Variants in BASP1 observed in about 807,000 individuals in gnomAD.
BASP1 encodes brain abundant membrane attached signal protein 1.
Under a neutral mutation model 2.2 loss-of-function variants are expected in BASP1, and 1 was observed. The ratio of observed to expected loss-of-function variants is 0.46; its 90% CI spans 0.16 to 2.17. The LOEUF is 2.17. Among genes scored for constraint, BASP1 ranks in the 30% most tolerant of loss-of-function variants. The probability of loss-of-function intolerance (pLI) is 0.27; values close to 1 mark genes in which losing one functional copy is unlikely to be tolerated. For missense variants in BASP1, 352 were observed against 327.2 expected (o/e 1.08, Z -0.58); for synonymous variants, 187 against 154.2 (o/e 1.21, Z -1.58).
intron 1 of BASP1, among the ~76,000 whole-genome samples, chr5:17,235,807 AC>A (rs1164872690): frequency 6.6e-6 from 1 of 152,106 alleles, no homozygotes; most frequent in Non-Finnish European, 1.5e-5. Context: ...TATACTAACC[AC>A]CATCTGAAAT....
chr5:17,275,361 G>T lies in BASP1; in HGVS notation c.145G>T (p.Ala49Ser). The change falls in exon 2 of 2, where the codon GCC becomes TCC. Residue 49 changes from alanine to serine, a missense_variant. Coordinates refer to ENST00000322611, the MANE Select transcript of BASP1 (RefSeq NM_006317.5). This position sits in a 1 kb window ranked among gnomAD's most constrained non-coding sequence, Gnocchi z 5.3. ...TGAGCCCCAGGCGGCCGCAGAGCCC[G>T]CCGAGGCCAAGGAGGGCAAGGAGAA... ...ESEPQAAAEP[A>S]EAKEGKEKPD... 6.2e-7 allele frequency: 1 copy of T among 1,601,104 alleles called. No homozygotes were observed. Among genetic ancestry groups the T allele is most frequent in the African/African-American group, 1.3e-5 (1 of 74,602 alleles).
chr5:17,272,904 G>A (rs1426866898), intron 1 of BASP1, among the ~76,000 whole-genome samples: 1 of 152,100 alleles, frequency 6.6e-6, no homozygotes, highest in African/African-American at 2.4e-5. Flanking sequence ...AAACCTCTGG[G>A]GATTGCTGTA....
At chr5:17,227,076 C>A (rs962963703) in intron 1 of BASP1, among the ~76,000 whole-genome samples, 7 of 141,520 alleles carry the variant, frequency 4.9e-5, no homozygotes, top group African/African-American at 1.8e-4. Flanking sequence ...TTACTGGCAC[C>A]CGCCACCATG....
At chr5:17,253,158 ATATT>A (rs1271126575) in intron 1 of BASP1, among the ~76,000 whole-genome samples, 2 of 152,210 alleles carry the variant, frequency 1.3e-5, no homozygotes, top group Non-Finnish European at 2.9e-5. Context: ...AAAGTTCAAA[ATATT>A]TAGTTACTTT....
At chr5:17,271,878 C>T (rs527950296) in intron 1 of BASP1, among the ~76,000 whole-genome samples, 1 of 152,012 alleles carries the variant, frequency 6.6e-6, no homozygotes, top group South Asian at 2.1e-4. Context: ...ACCAGCCTGG[C>T]CAACATGGTG....
intron 1 of BASP1, among the ~76,000 whole-genome samples, chr5:17,257,369 T>G (rs1374918126): frequency 2.0e-5 from 3 of 152,214 alleles, no homozygotes; most frequent in Non-Finnish European, 4.4e-5. Flanking sequence ...ATTCCTATTG[T>G]TTACCTGTGT....
intron 1 of BASP1, among the ~76,000 whole-genome samples, chr5:17,266,404 AT>A (rs1352856095): frequency 6.6e-6 from 1 of 151,890 alleles, no homozygotes; most frequent in African/African-American, 2.4e-5. Flanking sequence ...CTCCCTCCTT[AT>A]TTCATTCTCA....
intron 1 of BASP1, among the ~76,000 whole-genome samples, chr5:17,247,357 A>G (rs1188815570): frequency 6.6e-6 from 1 of 152,202 alleles, no homozygotes; most frequent in Admixed American, 6.5e-5. Context: ...AGAGGCTGAG[A>G]AAATGCCCCA....
At chr5:17,256,548 A>C (rs1238129483) in intron 1 of BASP1, among the ~76,000 whole-genome samples, 2 of 152,250 alleles carry the variant, frequency 1.3e-5, no homozygotes, top group East Asian at 3.8e-4. Context: ...AAAATTATAG[A>C]CATAAAGGAT....
At chr5:17,237,333 G>A (rs1739768802) in intron 1 of BASP1, among the ~76,000 whole-genome samples, 1 of 152,110 alleles carries the variant, frequency 6.6e-6, no homozygotes, top group Non-Finnish European at 1.5e-5. Context: ...GACACAGCGA[G>A]ACTCCGTCTC....
rs560903990 is a variant in BASP1 at position 17,250,346 on chromosome 5, G to T, written c.-9-24862G>T. Among the ~76,000 whole-genome samples, 5 of 152,290 alleles carry T rather than the reference G, an allele frequency of 3.3e-5. No homozygotes were observed. In the East Asian group the frequency reaches 9.7e-4, roughly 29 times the overall value. On this transcript the variant is annotated intron_variant, in intron 1 of 1. Transcript: ENST00000322611. ...AAAAAGTGTGTTCTTTGATGAACTT[G>T]TCTATTCTTTTCTGAAATTTTCAGC...
At chr5:17,264,403 C>A (rs1579500754) in intron 1 of BASP1, among the ~76,000 whole-genome samples, 1 of 152,120 alleles carries the variant, frequency 6.6e-6, no homozygotes, top group African/African-American at 2.4e-5. Context: ...CTTGTAGATG[C>A]AACTCAGTTG....
rs530466809 is a variant in BASP1, at chr5:17,267,519, C to CTT, written c.-9-7679_-9-7678dup. ...CAATTTTTGTTTGTATTTTTTTTTG[C>CTT]TTTTTTTTTTTGAGACGAAGTCTTG... On this transcript the variant is annotated intron_variant, in intron 1 of 1. Coordinates refer to ENST00000322611, the MANE Select transcript of BASP1 (RefSeq NM_006317.5). 2.4e-4 allele frequency among the ~76,000 whole-genome samples: 35 copies of CTT among 144,360 alleles called. 1 individual carries two copies. The highest frequency in any genetic ancestry group is 8.1e-4 in the African/African-American group (32 of 39,490). The allele number at this position is 144,360 out of a possible 152,430, so 94.7% of individuals were successfully genotyped here.
intron 1 of BASP1, among the ~76,000 whole-genome samples, chr5:17,265,645 G>T (rs916220199): frequency 6.6e-5 from 10 of 152,064 alleles, no homozygotes; most frequent in African/African-American, 2.4e-4. Context: ...TACTCCTTTT[G>T]AGCCAACATT....
At position 17,275,599 on chromosome 5, in the gene BASP1, C is replaced by T. The variant is rs1393533316; in HGVS notation, c.383C>T (p.Ala128Val). Residue 128 changes from alanine to valine, a missense_variant, in exon 2 of 2, where the codon GCC becomes GTC. Physicochemically the swap from Ala to Val is moderately conservative, Grantham distance 64. Coordinates refer to ENST00000322611, the MANE Select transcript of BASP1 (RefSeq NM_006317.5). The surrounding 1 kb of genome is among the most constrained non-coding windows in gnomAD (Gnocchi z 5.3). ...EAPKAAEAAA[A>V]PAESAAPAAG... ...CCCAAAGCTGCTGAGGCCGCCGCGG[C>T]CCCGGCCGAGAGCGCGGCCCCTGCC... 1 of 1,416,700 alleles carries T rather than the reference C, an allele frequency of 7.1e-7. No homozygotes were observed. The highest frequency in any genetic ancestry group is 9.2e-7 in the Non-Finnish European group (1 of 1,089,004). 87.8% of individuals were successfully genotyped at this position (1,416,700 alleles called of 1,614,324 possible).
At position 17,266,814 on chromosome 5, in the gene BASP1, C is replaced by CAAAAAA. The variant is rs70943882; in HGVS notation, c.-9-8374_-9-8369dup. On this transcript the variant is annotated intron_variant, in intron 1 of 1. Coordinates refer to ENST00000322611, the MANE Select transcript of BASP1 (RefSeq NM_006317.5). ...GCGACAGAGCAGCAAGATCCTGTCT[C>CAAAAAA]AAAAAAAAAAAAAAAAAAAAAAAAA... Among the ~76,000 whole-genome samples, 59 of 111,474 alleles carry CAAAAAA rather than the reference C, an allele frequency of 5.3e-4. 1 individual carries two copies. The highest frequency in any genetic ancestry group is 1.9e-3 in the African/African-American group (51 of 26,252). The allele number at this position is 111,474 out of a possible 152,430, so 73.1% of individuals were successfully genotyped here.
chr5:17,240,154 A>T (rs1223297086), intron 1 of BASP1, among the ~76,000 whole-genome samples: 4 of 151,668 alleles, frequency 2.6e-5, no homozygotes, highest in African/African-American at 9.7e-5. Flanking sequence ...AAATAAATAA[A>T]TAAATAAATA....
At position 17,275,179 on chromosome 5, in the gene BASP1, GT is replaced by G; in HGVS notation, c.-9-25del. 1 of 1,606,192 alleles carries G rather than the reference GT, an allele frequency of 6.2e-7. No individual in the cohort carries two copies. The highest frequency in any genetic ancestry group is 8.5e-7 in the Non-Finnish European group (1 of 1,175,932). On this transcript the variant is annotated intron_variant, in intron 1 of 1. Coordinates refer to ENST00000322611, the MANE Select transcript of BASP1 (RefSeq NM_006317.5). The surrounding 1 kb of genome is among the most constrained non-coding windows in gnomAD (Gnocchi z 5.3). ...TCCCCACACTTGCCTAGTAACCGCCGTTTTGTTTTGTTTTGTGTTTGCTTCC... is the reference window on the plus strand; with the variant it reads ...TCCCCACACTTGCCTAGTAACCGCCGTTTGTTTTGTTTTGTGTTTGCTTCC...
chr5:17,254,294 C>T (rs900963890), intron 1 of BASP1, among the ~76,000 whole-genome samples: 6 of 152,208 alleles, frequency 3.9e-5, no homozygotes, highest in African/African-American at 1.4e-4. Flanking sequence ...CTTTTGTGTT[C>T]ATTTTTAAAG....
Sources: allele counts gnomAD v4.1 joint callset (sites outside exome capture counted in the v4.1 genomes callset), GRCh38; gene constraint gnomAD v4.1.1; non-coding constraint Gnocchi (gnomAD v3.1); transcripts MANE v1.5; gene names NCBI Gene and HGNC (gene_info 2026-07-23, HGNC 2026-07-21).